The following GNE variants were observed in gnomAD, a reference collection of about 807,000 sequenced individuals.
GNE encodes bifunctional UDP-N-acetylglucosamine 2-epimerase/N-acetylmannosamine kinase.
In GNE, 41 loss-of-function variants were observed where a neutral mutation model predicts 61.8. That is an observed-to-expected ratio of 0.66 (90% CI 0.52 to 0.86). The LOEUF is 0.86. GNE is among the 40% of genes least tolerant of loss of function. GNE has a pLI of 0.00. For missense variants in GNE, 608 were observed against 909.1 expected, an observed-to-expected ratio of 0.67 and a Z score of 4.26; for synonymous variants, 264 against 326.4, an observed-to-expected ratio of 0.81 and a Z score of 2.06.
intron 9 of GNE, among the ~76,000 whole-genome samples, chr9:36,222,126 A>G (rs1828613299): frequency 6.6e-6 from 1 of 152,148 alleles, no homozygotes; most frequent in Admixed American, 6.5e-5. Flanking sequence ...GATGTTTATC[A>G]AAAACATTTC....
intron 5 of GNE, among the ~76,000 whole-genome samples, chr9:36,232,347 C>CACA (rs1829208088): frequency 6.9e-6 from 1 of 145,670 alleles, no homozygotes; most frequent in Non-Finnish European, 1.5e-5. Context: ...CCCCCCCTCC[C>CACA]GACATTCCAT....
chr9:36,248,318 C>CT (rs551725041), intron 2 of GNE, among the ~76,000 whole-genome samples: 15,714 of 141,958 alleles, frequency 0.11, 1,212 homozygotes, highest in South Asian at 0.2. Flanking sequence ...TCAACCTTTG[C>CT]TTTTTTTTTT....
chr9:36,269,243 T>G (rs1282010105), intron 1 of GNE, among the ~76,000 whole-genome samples: 2 of 151,768 alleles, frequency 1.3e-5, no homozygotes, highest in African/African-American at 2.4e-5. Context: ...AAATTATTTG[T>G]TTTTTGTCCC....
Position 36,271,626 on chromosome 9 carries a change from G to A in GNE, c.51+5268C>T, listed in dbSNP as rs193256487. Among the ~76,000 whole-genome samples the A allele has an allele frequency of 6.6e-5, 10 of 152,042 alleles. No individual in the cohort carries two copies. The East Asian group carries it at 1.4e-3, about 21-fold the overall frequency. On this transcript the variant is annotated intron_variant, in intron 1 of 11. Transcript: ENST00000396594. The stretch of plus-strand genomic sequence containing the variant: ...TGACCTCAGGTGATCTGCCTGCCTC[G>A]GCCTCCCAAAGTGCTGGGATTACAG...
intron 8 of GNE, 146 bp from the exon 9 acceptor site, chr9:36,223,144 A>G: frequency 1.2e-6 from 1 of 860,180 alleles, no homozygotes; most frequent in Admixed American, 2.0e-5. Context: ...AATATTAGAC[A>G]GTTGTGAATT....
intron 2 of GNE, 78 bp downstream of exon 2, chr9:36,249,114 G>T: frequency 1.8e-6 from 2 of 1,103,436 alleles, no homozygotes; most frequent in South Asian, 1.2e-5. Flanking sequence ...ATTTGAAGCT[G>T]GGCCCATATG....
intron 2 of GNE, among the ~76,000 whole-genome samples, chr9:36,247,800 G>A (rs1829951190): frequency 6.6e-6 from 1 of 152,042 alleles, no homozygotes; most frequent in Non-Finnish European, 1.5e-5. Context: ...GCGGAGGCAG[G>A]TGGATCACCT....
chr9:36,267,691 CTCAA>C (rs1830858231), intron 1 of GNE: 1 of 149,300 alleles, frequency 6.7e-6, no homozygotes, highest in Non-Finnish European at 1.5e-5. Flanking sequence ...GTGAGACTGT[CTCAA>C]ACAAACAAAC....
chr9:36,246,657 ATTCT>A (rs1460589260), intron 2 of GNE, among the ~76,000 whole-genome samples, 175 bp from the exon 3 acceptor site: 1 of 143,834 alleles, frequency 7.0e-6, no homozygotes, highest in African/African-American at 2.6e-5. Flanking sequence ...CCTGATTAAG[ATTCT>A]TTTTTTTTTT....
intron 5 of GNE, among the ~76,000 whole-genome samples, chr9:36,229,886 G>A (rs1015592935): frequency 1.3e-5 from 2 of 151,928 alleles, no homozygotes; most frequent in Non-Finnish European, 2.9e-5. Flanking sequence ...ATTTATATAC[G>A]TTTATTTAAG....
upstream of GNE, among the ~76,000 whole-genome samples, chr9:36,261,076 C>T (rs905742500): frequency 5.3e-5 from 8 of 152,042 alleles, no homozygotes; most frequent in Admixed American, 3.9e-4. Flanking sequence ...CATGGCACCT[C>T]TGACTTCTGC....
chr9:36,217,657 A>G, intron 11 of GNE, 57 bp from the exon 12 acceptor site: 5 of 1,090,950 alleles, frequency 4.6e-6, no homozygotes, highest in Non-Finnish European at 7.0e-6. Flanking sequence ...TCAAAATACC[A>G]AAGAGGAAGG....
Position 36,220,034 on chromosome 9 carries a change from T to C in GNE, c.1634-14A>G. The C allele has an allele frequency of 6.2e-7, 1 of 1,608,698 alleles. No homozygotes were observed. Among genetic ancestry groups the C allele is most frequent in the African/African-American group, 1.3e-5 (1 of 74,910 alleles). Reference sequence around the variant, plus strand: ...CACCACCGATTCCTACAGCGAGGGATAGAAATCACTGAGGGTGCTTTACCT... The same window carrying C: ...CACCACCGATTCCTACAGCGAGGGACAGAAATCACTGAGGGTGCTTTACCT... On this transcript the variant is annotated splice_polypyrimidine_tract_variant and intron_variant, in intron 9 of 11. Coordinates refer to ENST00000642385, the MANE Select transcript of GNE (RefSeq NM_005476.7).
At chr9:36,244,846 A>C (rs984127449) in intron 3 of GNE, among the ~76,000 whole-genome samples, 1 of 151,628 alleles carries the variant, frequency 6.6e-6, no homozygotes, top group African/African-American at 2.4e-5. Context: ...AGGCTGAGGC[A>C]GGAGAATCGC....
At chr9:36,229,795 C>T (rs1053966177) in intron 5 of GNE, among the ~76,000 whole-genome samples, 1 of 152,012 alleles carries the variant, frequency 6.6e-6, no homozygotes, top group Non-Finnish European at 1.5e-5. Context: ...AGTAGACAGG[C>T]AGGAGAGACA....
At chr9:36,225,345 T>C (rs1461956322) in intron 7 of GNE, among the ~76,000 whole-genome samples, 1 of 152,094 alleles carries the variant, frequency 6.6e-6, no homozygotes, top group East Asian at 1.9e-4. Context: ...TCATTAAAAA[T>C]AAATCTAGGT....
chr9:36,228,771 G>T (rs1222992434), intron 6 of GNE, among the ~76,000 whole-genome samples: 2 of 135,586 alleles, frequency 1.5e-5, no homozygotes. Flanking sequence ...TCTATCCTGG[G>T]CAACAGATCA....
At chr9:36,262,871 C>T (rs191069481), upstream of GNE, among the ~76,000 whole-genome samples, 3 of 152,284 alleles carry the variant, frequency 2.0e-5, no homozygotes, top group Non-Finnish European at 2.9e-5. Context: ...AAATTCTACC[C>T]GTGTATTTCG....
Position 36,216,731 on chromosome 9 carries a change from G to C in GNE, c.*634C>G, listed in dbSNP as rs1268449024. 1 of 151,934 alleles carries C rather than the reference G, an allele frequency of 6.6e-6. No homozygotes were observed. The highest frequency in any genetic ancestry group is 1.4e-5 in the Non-Finnish European group (1 of 69,140). 9.4% of individuals were successfully genotyped at this position (151,934 alleles called of 1,614,324 possible). On this transcript the variant is annotated 3_prime_UTR_variant, in exon 12 of 12. Coordinates refer to ENST00000642385, the MANE Select transcript of GNE (RefSeq NM_005476.7). ...CTGTCACCCAGGCTGGAGTGCAGTG[G>C]TGCGGTCTCAGTTCACTGCCAGCTC...
Sources: allele counts gnomAD v4.1 joint callset (sites outside exome capture counted in the v4.1 genomes callset), GRCh38; gene constraint gnomAD v4.1.1; transcripts MANE v1.5; gene names NCBI Gene and HGNC (gene_info 2026-07-23, HGNC 2026-07-21).